Variants in PHKA2 observed in about 807,000 individuals in gnomAD.
The protein encoded by PHKA2 is phosphorylase kinase regulatory subunit alpha 2, also known as phosphorylase b kinase regulatory subunit alpha, liver isoform.
PHKA2 carries 31 observed loss-of-function variants against 102.0 expected under a neutral mutation model. That is an observed-to-expected ratio of 0.30 (90% CI 0.23 to 0.41). The LOEUF (loss-of-function observed/expected upper bound fraction) is 0.41, where lower values mean the gene tolerates loss of function less well. Ranked by LOEUF, PHKA2 falls within the 10% of genes least tolerant of loss-of-function variation. The pLI, the probability that PHKA2 is intolerant of heterozygous loss-of-function variation, is 1.00. For missense variants in PHKA2, 858 were observed against 1,023.1 expected (o/e 0.84, Z 2.20); for synonymous variants, 455 against 416.2 (o/e 1.09, Z -1.13).
chrX:18,951,527 G>T (rs1280114346), intron 3 of PHKA2, among the ~76,000 whole-genome samples: 1 of 111,317 alleles, frequency 9.0e-6, no homozygotes, highest in Non-Finnish European at 1.9e-5. Flanking sequence ...GGGTGTCCTT[G>T]TCTACATATC....
chrX:18,918,875 A>G, intron 18 of PHKA2, 21 bp from the exon 19 acceptor site: 1 of 1,198,984 alleles, frequency 8.3e-7, no homozygotes, highest in Non-Finnish European at 1.1e-6. Context: ...ACAAGCAAGA[A>G]AAAGAGCCAA....
chrX:18,976,748 T>C (rs1382021493), intron 1 of PHKA2, among the ~76,000 whole-genome samples: 1 of 111,738 alleles, frequency 8.9e-6, no homozygotes, highest in Non-Finnish European at 1.9e-5. Context: ...GTCTGGAATG[T>C]ATCCCCTGTG....
At chrX:18,916,743 C>T (rs746446215) in intron 19 of PHKA2, among the ~76,000 whole-genome samples, 18 of 112,056 alleles carry the variant, frequency 1.6e-4, no homozygotes, top group Non-Finnish European at 3.2e-4. Flanking sequence ...TGAGGCCTCC[C>T]TAGAAGCCAA....
Position 18,901,623 on chromosome X carries a change from A to G in PHKA2, c.2909-20T>C. The stretch of plus-strand genomic sequence containing the variant: ...GGCGCACTGGGTGGGAAACACACAC[A>G]CGTGGTTCTCAGGAACTCTACAGCA... On this transcript the variant is annotated intron_variant, in intron 26 of 32. Transcript: ENST00000379942. 9.4e-7 allele frequency: 1 copy of G among 1,059,152 alleles called. No individual in the cohort carries two copies. Among genetic ancestry groups the G allele is most frequent in the Non-Finnish European group, 1.3e-6 (1 of 759,039 alleles). The allele number at this position is 1,059,152 out of a possible 1,213,427, so 87.3% of individuals were successfully genotyped here. A position where few individuals can be genotyped will look rare whatever the true frequency, so the allele number is the denominator to read the frequency against.
At chrX:18,971,986 T>C (rs1316013929) in intron 1 of PHKA2, among the ~76,000 whole-genome samples, 1 of 113,038 alleles carries the variant, frequency 8.8e-6, no homozygotes, top group Non-Finnish European at 1.9e-5. Context: ...TGCTTTTGCA[T>C]ATAGTTGAAT....
chrX:18,929,359 T>C (rs2048275853), intron 12 of PHKA2, 53 bp from the exon 13 acceptor site: 1 of 821,193 alleles, frequency 1.2e-6, no homozygotes, highest in South Asian at 2.2e-5. Flanking sequence ...TAAAATTTCA[T>C]CTTAAACTGA....
chrX:18,906,583 G>A lies in PHKA2; in HGVS notation c.2718C>T (p.Pro906=). The part of the protein sequence containing the change: ...VYLAMYVRAQ[P]SLFVEMLRLR... ...GTCTCAGCATCTCCACAAAGAGGCT[G>A]GGCTGCGCCCTGACATACATGGCCA... Residue 906 remains proline, a synonymous_variant, in exon 25 of 33, where the codon CCC becomes CCT. Coordinates refer to ENST00000379942, the MANE Select transcript of PHKA2 (RefSeq NM_000292.3). 8.3e-7 allele frequency: 1 copy of A among 1,201,114 alleles called. No homozygotes were observed. The highest frequency in any genetic ancestry group is 1.1e-6 in the Non-Finnish European group (1 of 885,317).
At chrX:18,912,838 G>A (rs1363698216) in intron 19 of PHKA2, among the ~76,000 whole-genome samples, 5 of 111,050 alleles carry the variant, frequency 4.5e-5, no homozygotes, top group Non-Finnish European at 9.4e-5. Context: ...TTGAACCTGG[G>A]AGGCGAAGAT....
chrX:18,895,255 C>CACAGGCGT, intron 30 of PHKA2, 64 bp from the exon 31 acceptor site: 2 of 995,424 alleles, frequency 2.0e-6, no homozygotes, highest in East Asian at 3.0e-5. Context: ...TGCATGCACA[C>CACAGGCGT]ACAGGCGTGC....
intron 5 of PHKA2, among the ~76,000 whole-genome samples, chrX:18,947,842 C>A (rs2048609705): frequency 8.9e-6 from 1 of 112,165 alleles, no homozygotes; most frequent in African/African-American, 3.2e-5. Flanking sequence ...GGATTAATGG[C>A]ATTTGCAGCG....
chrX:18,893,515 C>CA lies in PHKA2; in HGVS notation c.3677dup (p.Leu1226PhefsTer18). ...GCATCTGGCAGCCCGAATTGGGCAA[C>CA]AATTCCTGCAAATAAGAAGCCACTG... On this transcript the variant is annotated frameshift_variant, in exon 33 of 33. Transcript: ENST00000379942. LOFTEE classifies it high-confidence loss of function. The CA allele has an allele frequency of 8.3e-7, 1 of 1,211,683 alleles. No homozygotes were observed. Among genetic ancestry groups the CA allele is most frequent in the Non-Finnish European group, 1.1e-6 (1 of 895,363 alleles).
chrX:18,959,501 A>G (rs893496296), intron 1 of PHKA2, among the ~76,000 whole-genome samples: 4 of 111,794 alleles, frequency 3.6e-5, no homozygotes, highest in South Asian at 3.7e-4. Flanking sequence ...AAGATATTTT[A>G]TCACATTGAC....
chrX:18,922,855 T>A (rs2048145912), intron 17 of PHKA2, among the ~76,000 whole-genome samples: 1 of 110,437 alleles, frequency 9.1e-6, no homozygotes, highest in African/African-American at 3.3e-5. Context: ...TATAGGTAAA[T>A]TACCATAATT....
At position 18,918,995 on chromosome X, in the gene PHKA2, C is replaced by T. The variant is rs73191588; in HGVS notation, c.1964-141G>A. ...TGAGATATCGATATTTGCACTCCCA[C>T]TCACCCCTGAAGAGTAAGAAGAGAT... On this transcript the variant is annotated intron_variant, in intron 18 of 32. Coordinates refer to ENST00000379942, the MANE Select transcript of PHKA2 (RefSeq NM_000292.3). The T allele has an allele frequency of 0.019, 10,396 of 535,920 alleles. 101 individuals carry two copies. The highest frequency in any genetic ancestry group is 0.072 in the Middle Eastern group (159 of 2,216). 44.2% of individuals were successfully genotyped at this position (535,920 alleles called of 1,213,427 possible).
At chrX:18,899,923 A>C (rs758656935) in intron 28 of PHKA2, among the ~76,000 whole-genome samples, 1 of 112,045 alleles carries the variant, frequency 8.9e-6, no homozygotes, top group East Asian at 2.8e-4. Flanking sequence ...TGATCACTTC[A>C]TCCCCGTAAC....
rs1264502036 is a variant in PHKA2 at position 18,924,404 on chromosome X, A to T, written c.1691T>A (p.Phe564Tyr). ...WRMTGRPTLT[F>Y]PISRTMLTND... ...ACTGAGCATGGTGCGACTGATGGGG[A>T]AGGTGAGTGTGGGTCTGCCCGTCAT... The change falls in exon 16 of 33, where the codon TTC becomes TAC. Residue 564 changes from phenylalanine (F) to tyrosine (Y), a missense_variant. Physicochemically the swap from Phe to Tyr is conservative, Grantham distance 22. Transcript: ENST00000379942. 1 of 1,210,858 alleles carries T rather than the reference A, an allele frequency of 8.3e-7. No individual in the cohort carries two copies.
In PHKA2 at chrX:18,908,020, G is replaced by A. The variant is rs181179616; in HGVS notation, c.2397C>T (p.His799=). The change falls in exon 22 of 33, where the codon CAC becomes CAT. Residue 799 remains histidine (H), a synonymous_variant. Transcript: ENST00000379942. ...CAAGAAGGTTTTGAACGGTGACCCC[G>A]TGCTGTCCAGAGAGATTTGTGTCCC... ...PSWDTNLSGQ[H]GVTVQNLLGE... The A allele has an allele frequency of 2.7e-5, 33 of 1,209,290 alleles. No homozygotes were observed. Among genetic ancestry groups the A allele is most frequent in the African/African-American group, 2.6e-4 (15 of 57,167 alleles).
At chrX:18,929,446 T>C in intron 12 of PHKA2, 140 bp from the exon 13 acceptor site, 1 of 507,358 alleles carries the variant, frequency 2.0e-6, no homozygotes, top group Non-Finnish European at 3.5e-6. Flanking sequence ...AATTGCTTAT[T>C]TTCTGTGAAA....
chrX:18,966,157 G>A (rs191807820), intron 1 of PHKA2, among the ~76,000 whole-genome samples: 153 of 102,748 alleles, frequency 1.5e-3, no homozygotes, highest in Admixed American at 3.1e-3. Context: ...GCGCGATCTC[G>A]GCTCACTACA....
Sources: gnomAD v4.1 joint callset for allele counts (sites outside exome capture counted in the v4.1 genomes callset) on GRCh38, gnomAD v4.1.1 for gene constraint, MANE v1.5 for transcripts, NCBI Gene and HGNC (gene_info 2026-07-23, HGNC 2026-07-21) for gene names.